Variants in SYT14 observed in about 807,000 individuals in gnomAD.
The protein encoded by SYT14 is synaptotagmin-14.
SYT14 carries 32 observed loss-of-function variants against 74.2 expected under a neutral mutation model. The ratio of observed to expected loss-of-function variants is 0.43; its 90% CI spans 0.33 to 0.58. SYT14 has a LOEUF of 0.58. Ranked by LOEUF, SYT14 falls within the 20% of genes least tolerant of loss-of-function variation. SYT14 has a pLI of 0.05. For missense variants in SYT14, 791 were observed against 981.8 expected, an observed-to-expected ratio of 0.81 and a Z score of 2.60; for synonymous variants, 298 against 337.7, an observed-to-expected ratio of 0.88 and a Z score of 1.29.
intron 2 of SYT14, among the ~76,000 whole-genome samples, chr1:209,985,480 C>G (rs1270452062): frequency 6.6e-6 from 1 of 152,238 alleles, no homozygotes; most frequent in Admixed American, 6.5e-5. Context: ...GGTCAGCCCC[C>G]ACATCTGTTC....
chr1:210,069,007 T>C (rs559214054), intron 5 of SYT14, among the ~76,000 whole-genome samples: 18 of 152,038 alleles, frequency 1.2e-4, no homozygotes, highest in African/African-American at 3.6e-4. Context: ...TTATAATTTT[T>C]CTAATTGCTG....
chr1:210,052,506 T>C (rs927613333), intron 5 of SYT14, among the ~76,000 whole-genome samples: 15 of 151,274 alleles, frequency 9.9e-5, no homozygotes, highest in Non-Finnish European at 2.1e-4. Context: ...CTACTAAAAA[T>C]AGAAAAATTA....
At chr1:210,050,815 T>C (rs2080979963) in intron 5 of SYT14, among the ~76,000 whole-genome samples, 1 of 152,178 alleles carries the variant, frequency 6.6e-6, no homozygotes, top group African/African-American at 2.4e-5. Flanking sequence ...CACTCCCATA[T>C]AATTCAATCC....
At chr1:209,987,380 C>T (rs540025630) in intron 2 of SYT14, among the ~76,000 whole-genome samples, 116 of 152,348 alleles carry the variant, frequency 7.6e-4, no homozygotes, top group South Asian at 5.2e-3. Context: ...GCGCTGGCAT[C>T]TGTTCAGCTT....
intron 7 of SYT14, among the ~76,000 whole-genome samples, chr1:210,111,876 A>G (rs75654779): frequency 0.017 from 2,510 of 151,344 alleles, 202 homozygotes; most frequent in African/African-American, 0.059. Context: ...TATCCTTAAT[A>G]TAGTCCTCCT....
intron 7 of SYT14, among the ~76,000 whole-genome samples, chr1:210,126,076 G>A (rs1407476844): frequency 2.0e-5 from 3 of 152,088 alleles, no homozygotes; most frequent in Non-Finnish European, 4.4e-5. Flanking sequence ...GGTGGTGCAC[G>A]CCTGTAATTC....
chr1:210,150,771 A>T (rs983753566), intron 7 of SYT14, among the ~76,000 whole-genome samples: 10 of 152,258 alleles, frequency 6.6e-5, no homozygotes, highest in Non-Finnish European at 1.2e-4. Context: ...ATCATTGTAC[A>T]GTTCAGTAGT....
intron 2 of SYT14, among the ~76,000 whole-genome samples, chr1:209,972,966 A>G (rs1220124708): frequency 6.6e-6 from 1 of 152,064 alleles, no homozygotes; most frequent in African/African-American, 2.4e-5. Flanking sequence ...CCTCACTATT[A>G]TTGTGTGTCT....
At chr1:210,045,932 T>C (rs763880871) in intron 5 of SYT14, among the ~76,000 whole-genome samples, 14 of 152,224 alleles carry the variant, frequency 9.2e-5, no homozygotes, top group Non-Finnish European at 1.5e-4. Flanking sequence ...TTGGAAAATA[T>C]ATTATTTTTG....
At chr1:210,077,562 A>T (rs1235817731) in intron 5 of SYT14, among the ~76,000 whole-genome samples, 1 of 152,230 alleles carries the variant, frequency 6.6e-6, no homozygotes, top group Non-Finnish European at 1.5e-5. Flanking sequence ...TATGTACAAA[A>T]AATCGTTGTG....
At chr1:210,033,599 C>T (rs940290060) in intron 5 of SYT14, among the ~76,000 whole-genome samples, 14 of 151,714 alleles carry the variant, frequency 9.2e-5, no homozygotes, top group African/African-American at 3.1e-4. Context: ...CCTAGAAGAT[C>T]AGATTATATT....
intron 2 of SYT14, among the ~76,000 whole-genome samples, chr1:210,010,693 A>G (rs973280663): frequency 1.3e-5 from 2 of 152,134 alleles, no homozygotes; most frequent in Non-Finnish European, 2.9e-5. Flanking sequence ...CAAGAGAAAG[A>G]TGAAAGAGGA....
At chr1:209,976,603 T>G (rs1034897364) in intron 2 of SYT14, among the ~76,000 whole-genome samples, 2 of 151,606 alleles carry the variant, frequency 1.3e-5, no homozygotes, top group Non-Finnish European at 3.0e-5. Flanking sequence ...TTACATTTGC[T>G]GAGGAGTCCT....
At chr1:210,021,329 T>A in intron 5 of SYT14, 75 bp downstream of exon 4, 1 of 1,326,116 alleles carries the variant, frequency 7.5e-7, no homozygotes, top group East Asian at 2.4e-5. Context: ...ATTCTAGGAA[T>A]CTGTGGTTGC....
At chr1:210,035,022 T>C (rs1036320690) in intron 5 of SYT14, among the ~76,000 whole-genome samples, 4 of 151,898 alleles carry the variant, frequency 2.6e-5, no homozygotes, top group African/African-American at 9.7e-5. Context: ...GAATGGTAGA[T>C]CTACTTTTAA....
chr1:209,969,652 T>C (rs1239481161), intron 2 of SYT14, among the ~76,000 whole-genome samples: 1 of 152,002 alleles, frequency 6.6e-6, no homozygotes, highest in African/African-American at 2.4e-5. Flanking sequence ...CACACTGGGC[T>C]AATTTTTTGT....
At chr1:210,051,811 ATACC>A (rs1177678243) in intron 5 of SYT14, among the ~76,000 whole-genome samples, 2 of 152,204 alleles carry the variant, frequency 1.3e-5, no homozygotes, top group East Asian at 1.9e-4. Flanking sequence ...TTCATGAGAA[ATACC>A]TACCTTTCAG....
intron 1 of SYT14, 70 bp downstream of exon 1, chr1:209,938,347 C>G: frequency 2.0e-6 from 3 of 1,479,574 alleles, no homozygotes; most frequent in Non-Finnish European, 2.7e-6. Context: ...GGAGGTGCGC[C>G]GGCAGGCCGA....
At chr1:209,998,927 C>T (rs2079844838) in intron 2 of SYT14, among the ~76,000 whole-genome samples, 1 of 151,976 alleles carries the variant, frequency 6.6e-6, no homozygotes, top group African/African-American at 2.4e-5. Context: ...CTAAAACCCC[C>T]CAAAATAGAC....
Sources: allele counts gnomAD v4.1 joint callset (sites outside exome capture counted in the v4.1 genomes callset), GRCh38; gene constraint gnomAD v4.1.1; transcripts MANE v1.5; gene names NCBI Gene and HGNC (gene_info 2026-07-23, HGNC 2026-07-21).